RANBP2: variants seen among roughly 807,000 people sequenced by gnomAD.
The protein encoded by RANBP2 is RAN binding protein 2.
In RANBP2, 57 loss-of-function variants were observed where a neutral mutation model predicts 303.6. That is an observed-to-expected ratio of 0.19 (90% CI 0.15 to 0.23). The LOEUF is 0.23. Ranked by LOEUF, RANBP2 falls within the 10% of genes least tolerant of loss-of-function variation. RANBP2 has a pLI of 1.00. For synonymous variants in RANBP2, 1,167 were observed against 1,301.5 expected (o/e 0.90, Z 2.23); for missense variants, 3,138 against 3,780.8 (o/e 0.83, Z 4.46).
At chr2:109,120,667 CAAAAAA>C in the RANBP2 span, among the ~76,000 whole-genome samples, 2 of 59,894 alleles carry the variant, frequency 3.3e-5, no homozygotes, top group Admixed American at 4.0e-4. Context: ...AACTCCGTCT[CAAAAAA>C]AAAAAAAAAA....
At chr2:109,214,122 C>T in the RANBP2 span, among the ~76,000 whole-genome samples, 1 of 152,154 alleles carries the variant, frequency 6.6e-6, no homozygotes, top group Non-Finnish European at 1.5e-5. Context: ...TTGGGTGTGC[C>T]GGGTGCCCCC....
chr2:109,534,078 T>C, the RANBP2 span, among the ~76,000 whole-genome samples: 1 of 152,184 alleles, frequency 6.6e-6, no homozygotes, highest in Non-Finnish European at 1.5e-5. Context: ...TACTAGCTGC[T>C]TCCAGATGTC....
chr2:108,754,963 A>C lies in RANBP2; in HGVS notation c.2261A>C (p.Glu754Ala), dbSNP rs1439613317. Residue 754 changes from glutamate to alanine, a missense_variant, in exon 16 of 29, where the codon GAA becomes GCA. Transcript: ENST00000283195. ...EMLNSVMQEL[E>A]DYSEGGPLYK... ...CTTAATTCAGTCATGCAGGAACTCGAAGACTATAGTGAAGGAGGTCCTCTC... is the reference window on the plus strand; with the variant it reads ...CTTAATTCAGTCATGCAGGAACTCGCAGACTATAGTGAAGGAGGTCCTCTC... The C allele has an allele frequency of 6.2e-7, 1 of 1,611,874 alleles. No homozygotes were observed. Among genetic ancestry groups the C allele is most frequent in the East Asian group, 2.2e-5 (1 of 44,838 alleles).
At chr2:108,813,265 A>AAAG in the RANBP2 span, among the ~76,000 whole-genome samples, 2 of 150,842 alleles carry the variant, frequency 1.3e-5, no homozygotes, top group Non-Finnish European at 3.0e-5. Context: ...AAAAAAAAAA[A>AAAG]AAAAAAAGAA....
the RANBP2 span, among the ~76,000 whole-genome samples, chr2:109,039,711 C>CT: frequency 6.6e-6 from 1 of 151,962 alleles, no homozygotes; most frequent in East Asian, 1.9e-4. Context: ...ATTATTCTCC[C>CT]TTTTTTCTTT....
the RANBP2 span, among the ~76,000 whole-genome samples, chr2:108,873,029 CATT>C: frequency 6.6e-6 from 1 of 151,928 alleles, no homozygotes; most frequent in Non-Finnish European, 1.5e-5. Context: ...TGTAAACTGT[CATT>C]AATAGTCAAG....
chr2:109,000,045 T>A, the RANBP2 span, among the ~76,000 whole-genome samples: 1 of 152,240 alleles, frequency 6.6e-6, no homozygotes, highest in African/African-American at 2.4e-5. Flanking sequence ...CAAAACTGGA[T>A]CTGGGAACAG....
the RANBP2 span, among the ~76,000 whole-genome samples, chr2:109,266,165 G>GGTGTGTGTTGTGCGTGCAT: frequency 6.7e-6 from 1 of 148,850 alleles, no homozygotes; most frequent in Non-Finnish European, 1.5e-5. Context: ...TGTTGTGTAT[G>GGTGTGTGTTGTGCGTGCAT]GTGTGTGTTG....
chr2:108,909,568 G>A, the RANBP2 span, among the ~76,000 whole-genome samples: 1 of 152,196 alleles, frequency 6.6e-6, no homozygotes, highest in African/African-American at 2.4e-5. Flanking sequence ...ACTGTTGCGG[G>A]GGTGTCCTTC....
At chr2:109,143,708 C>G in the RANBP2 span, among the ~76,000 whole-genome samples, 1 of 152,032 alleles carries the variant, frequency 6.6e-6, no homozygotes, top group African/African-American at 2.4e-5. Flanking sequence ...GAGCCGTGAT[C>G]GCACCACTGC....
At chr2:109,223,362 C>T in the RANBP2 span, among the ~76,000 whole-genome samples, 20 of 152,146 alleles carry the variant, frequency 1.3e-4, no homozygotes, top group African/African-American at 4.1e-4. Context: ...TTCTGAAGCC[C>T]GAAGAAGCAG....
chr2:109,623,309 C>T, the RANBP2 span, among the ~76,000 whole-genome samples: 1 of 152,174 alleles, frequency 6.6e-6, no homozygotes, highest in East Asian at 1.9e-4. Flanking sequence ...CTCCTCTGTG[C>T]CCCTGCATGT....
chr2:109,623,181 G>A, the RANBP2 span, among the ~76,000 whole-genome samples: 426 of 152,240 alleles, frequency 2.8e-3, 2 homozygotes, highest in African/African-American at 9.5e-3. Context: ...TGGCACAGGC[G>A]GGAGTGTTAT....
At chr2:108,794,592 T>C in the RANBP2 span, 1 of 1,614,130 alleles carries the variant, frequency 6.2e-7, no homozygotes, top group East Asian at 2.2e-5. Flanking sequence ...AGTGTTGTAG[T>C]GATGCAGGTG....
chr2:109,284,409 G>A, the RANBP2 span, among the ~76,000 whole-genome samples: 1 of 152,238 alleles, frequency 6.6e-6, no homozygotes, highest in African/African-American at 2.4e-5. Context: ...TGTGGGGCAG[G>A]ACCTTATTCC....
chr2:109,129,704 T>C, the RANBP2 span: 1 of 1,535,246 alleles, frequency 6.5e-7, no homozygotes, highest in East Asian at 2.5e-5. Flanking sequence ...CTGGACCTGC[T>C]GGAGTGCTCC....
At chr2:108,918,016 T>G in the RANBP2 span, among the ~76,000 whole-genome samples, 1 of 152,052 alleles carries the variant, frequency 6.6e-6, no homozygotes, top group Non-Finnish European at 1.5e-5. Context: ...AGTATGCATT[T>G]TTATATTATT....
At chr2:109,646,136 C>A in the RANBP2 span, among the ~76,000 whole-genome samples, 1 of 152,064 alleles carries the variant, frequency 6.6e-6, no homozygotes, top group Non-Finnish European at 1.5e-5. Flanking sequence ...AGGCTATGTT[C>A]TGTTAGTTGA....
At chr2:109,357,220 C>T in the RANBP2 span, among the ~76,000 whole-genome samples, 4,351 of 151,382 alleles carry the variant, frequency 0.029, 155 homozygotes, top group African/African-American at 0.089. Context: ...CTTACTCTGT[C>T]GCCCAGGCTG....
Sources: allele counts gnomAD v4.1 joint callset (sites outside exome capture counted in the v4.1 genomes callset), GRCh38; gene constraint gnomAD v4.1.1; transcripts MANE v1.5; gene names NCBI Gene and HGNC (gene_info 2026-07-23, HGNC 2026-07-21).